Variants in ITPRID1 observed in about 807,000 individuals in gnomAD.
ITPRID1 encodes the protein protein ITPRID1.
ITPRID1 carries 96 observed loss-of-function variants against 95.4 expected under a neutral mutation model. That is an observed-to-expected ratio of 1.01 (90% CI 0.85 to 1.19). The LOEUF is 1.19. ITPRID1 is among the 50% of genes most tolerant of loss of function. The probability of loss-of-function intolerance (pLI) is 0.00; values close to 1 mark genes in which losing one functional copy is unlikely to be tolerated. For synonymous variants in ITPRID1, 510 were observed against 453.6 expected, an observed-to-expected ratio of 1.12 and a Z score of -1.58; for missense variants, 1,339 against 1,252.9, an observed-to-expected ratio of 1.07 and a Z score of -1.04.
Position 31,651,152 on chromosome 7 carries a change from A to T in ITPRID1, c.2594A>T (p.His865Leu), listed in dbSNP as rs764592476. The T allele has an allele frequency of 6.2e-7, 1 of 1,613,324 alleles. No individual in the cohort carries two copies. The highest frequency in any genetic ancestry group is 8.5e-7 in the Non-Finnish European group (1 of 1,179,416). ...TCTCATTGTTCTCAGTGCACAGTCC[A>T]TGAGATGGAAGCCATGAAGACGATA... Reference protein sequence around the residue: ...TVRELCSCTVHEMEAMKTICQ... With the variant: ...TVRELCSCTVLEMEAMKTICQ... The change falls in exon 13 of 15, where the codon CAT becomes CTT. Residue 865 changes from histidine to leucine, a missense_variant. Coordinates refer to ENST00000615280, the MANE Select transcript of ITPRID1 (RefSeq NM_001257967.3).
chr7:31,606,518 T>G (rs1184264283), intron 10 of ITPRID1, among the ~76,000 whole-genome samples: 1 of 152,138 alleles, frequency 6.6e-6, no homozygotes, highest in African/African-American at 2.4e-5. Flanking sequence ...CCCTAGATGT[T>G]TAAATAAAAC....
downstream of ITPRID1, chr7:31,656,530 A>C (rs1791313541): frequency 2.5e-6 from 2 of 810,144 alleles, no homozygotes; most frequent in African/African-American, 3.4e-5. Context: ...TGTTGAAAAG[A>C]ACTGTTAGCA....
At chr7:31,577,017 T>C (rs1369013358) in intron 8 of ITPRID1, among the ~76,000 whole-genome samples, 2 of 152,120 alleles carry the variant, frequency 1.3e-5, no homozygotes, top group Non-Finnish European at 2.9e-5. Context: ...TGTACTTGCA[T>C]ATGGCCCAAA....
chr7:31,542,041 TAATGTAGGTAAA>T (rs1294196193), intron 1 of ITPRID1, among the ~76,000 whole-genome samples: 2 of 152,220 alleles, frequency 1.3e-5, no homozygotes, highest in South Asian at 4.1e-4. Context: ...TTTAGCCTTT[TAATGTAGGTAAA>T]AATCCACATT....
At chr7:31,593,662 C>A (rs545311319) in intron 10 of ITPRID1, among the ~76,000 whole-genome samples, 155 of 152,228 alleles carry the variant, frequency 1.0e-3, no homozygotes, top group African/African-American at 3.6e-3. Flanking sequence ...CCTGACGATA[C>A]CTCAAAATTT....
chr7:31,584,209 T>C (rs529312041), intron 10 of ITPRID1, among the ~76,000 whole-genome samples: 1 of 152,338 alleles, frequency 6.6e-6, no homozygotes, highest in Admixed American at 6.5e-5. Context: ...AAAGAAAATA[T>C]GCAAATTTTT....
intron 5 of ITPRID1, among the ~76,000 whole-genome samples, chr7:31,567,447 G>T (rs761892018): frequency 6.6e-6 from 1 of 152,146 alleles, no homozygotes; most frequent in Non-Finnish European, 1.5e-5. Context: ...CCTGAAGAAG[G>T]GATAAGAAAA....
chr7:31,588,123 C>T (rs1239692090), intron 10 of ITPRID1, among the ~76,000 whole-genome samples: 1 of 152,090 alleles, frequency 6.6e-6, no homozygotes, highest in African/African-American at 2.4e-5. Context: ...CCTAATGAGC[C>T]AACCCTCCCA....
rs200262814 is a variant in ITPRID1 at position 31,581,913 on chromosome 7, GA to G, written c.1171-1212del. On this transcript the variant is annotated intron_variant, in intron 9 of 14. Transcript: ENST00000615280. Reference sequence around the variant, plus strand: ...ATTACAAGTGTAAAGTAACTGATTTGAAAAAAAAAGATGTGAAGGATTAAAA... The same window carrying G: ...ATTACAAGTGTAAAGTAACTGATTTGAAAAAAAAGATGTGAAGGATTAAAA... Among the ~76,000 whole-genome samples, 8 of 150,082 alleles carry G rather than the reference GA, an allele frequency of 5.3e-5. No individual in the cohort carries two copies. In the South Asian group the frequency reaches 1.5e-3, roughly 28 times the overall value.
At chr7:31,639,118 G>A (rs1218396318) in intron 10 of ITPRID1, among the ~76,000 whole-genome samples, 1 of 152,044 alleles carries the variant, frequency 6.6e-6, no homozygotes, top group Non-Finnish European at 1.5e-5. Flanking sequence ...TTTTCTTCAT[G>A]TTTCTGGTGC....
At chr7:31,547,130 T>G (rs1177973303) in intron 1 of ITPRID1, among the ~76,000 whole-genome samples, 1 of 133,296 alleles carries the variant, frequency 7.5e-6, no homozygotes, top group African/African-American at 2.6e-5. Context: ...CTCAAGTGGG[T>G]TATAAAGAGA....
At chr7:31,527,241 T>C (rs563480224) in intron 1 of ITPRID1, among the ~76,000 whole-genome samples, 1 of 152,308 alleles carries the variant, frequency 6.6e-6, no homozygotes, top group South Asian at 2.1e-4. Context: ...TTAATTACAT[T>C]ACTGAGTTAA....
chr7:31,526,743 T>G (rs1042351376), intron 1 of ITPRID1, among the ~76,000 whole-genome samples: 2 of 152,272 alleles, frequency 1.3e-5, no homozygotes, highest in South Asian at 4.1e-4. Context: ...GCAGTTTTTT[T>G]TCTCCCACAT....
intron 5 of ITPRID1, among the ~76,000 whole-genome samples, chr7:31,560,385 T>G (rs1431439332): frequency 1.3e-5 from 2 of 152,170 alleles, no homozygotes; most frequent in Non-Finnish European, 2.9e-5. Context: ...TACAAAGAAG[T>G]GGTATTATCT....
intron 10 of ITPRID1, among the ~76,000 whole-genome samples, chr7:31,590,721 CTCCTA>C (rs1320014762): frequency 6.6e-6 from 1 of 152,170 alleles, no homozygotes; most frequent in East Asian, 1.9e-4. Flanking sequence ...CTAAATTTCA[CTCCTA>C]AGCAGTAAGA....
intron 1 of ITPRID1, among the ~76,000 whole-genome samples, chr7:31,522,571 G>A (rs982687603): frequency 5.9e-5 from 9 of 152,098 alleles, no homozygotes; most frequent in Non-Finnish European, 1.3e-4. Context: ...TCAAAGTTGG[G>A]ACAGATGCAT....
intron 1 of ITPRID1, among the ~76,000 whole-genome samples, chr7:31,542,475 G>A (rs946666145): frequency 1.3e-5 from 2 of 151,880 alleles, no homozygotes; most frequent in Non-Finnish European, 2.9e-5. Flanking sequence ...TTTACTTTAG[G>A]ACAAGAATTT....
At chr7:31,603,169 GCAAT>G (rs1480588698) in intron 10 of ITPRID1, among the ~76,000 whole-genome samples, 1 of 152,062 alleles carries the variant, frequency 6.6e-6, no homozygotes, top group African/African-American at 2.4e-5. Context: ...TGGCCAGGAG[GCAAT>G]CAATCAGAGA....
chr7:31,531,841 G>GT (rs1783608025), intron 1 of ITPRID1, among the ~76,000 whole-genome samples: 1 of 149,490 alleles, frequency 6.7e-6, no homozygotes, highest in South Asian at 2.1e-4. Context: ...TGATCATTAG[G>GT]TTTTATCTTA....
Sources: gnomAD v4.1 joint callset for allele counts (sites outside exome capture counted in the v4.1 genomes callset) on GRCh38, gnomAD v4.1.1 for gene constraint, MANE v1.5 for transcripts, NCBI Gene and HGNC (gene_info 2026-07-23, HGNC 2026-07-21) for gene names.